The following DPYD variants were observed in gnomAD, a reference collection of about 807,000 sequenced individuals.
DPYD encodes dihydropyrimidine dehydrogenase, also known as dihydropyrimidine dehydrogenase [NADP(+)].
Under a neutral mutation model 116.2 loss-of-function variants are expected in DPYD, and 109 were observed. The ratio of observed to expected loss-of-function variants is 0.94; its 90% confidence interval spans 0.80 to 1.10. DPYD has a LOEUF of 1.10. DPYD is among the 50% of genes least tolerant of loss of function. DPYD has a pLI of 0.00. For missense variants in DPYD, 1,302 were observed against 1,254.5 expected, an observed-to-expected ratio of 1.04 and a Z score of -0.57; for synonymous variants, 440 against 432.0, an observed-to-expected ratio of 1.02 and a Z score of -0.23.
At chr1:97,269,245 A>G (rs1664423788) in intron 18 of DPYD, among the ~76,000 whole-genome samples, 1 of 152,090 alleles carries the variant, frequency 6.6e-6, no homozygotes, top group South Asian at 2.1e-4. Flanking sequence ...GCCCCTTACC[A>G]TCCACATTTC....
chr1:97,653,100 T>C (rs1334801507), intron 8 of DPYD, among the ~76,000 whole-genome samples: 1 of 152,172 alleles, frequency 6.6e-6, no homozygotes, highest in African/African-American at 2.4e-5. Flanking sequence ...GTCCTCCCTT[T>C]GTACGTCACT....
chr1:97,156,410 A>T (rs943955918), intron 20 of DPYD, among the ~76,000 whole-genome samples: 2 of 152,134 alleles, frequency 1.3e-5, no homozygotes, highest in Non-Finnish European at 2.9e-5. Flanking sequence ...GAACTCAAAC[A>T]AATTTACAAG....
At chr1:97,104,176 ATAATAGGTGCTGAATATAATTT>A (rs1650958419) in intron 20 of DPYD, among the ~76,000 whole-genome samples, 1 of 152,148 alleles carries the variant, frequency 6.6e-6, no homozygotes, top group African/African-American at 2.4e-5. Flanking sequence ...GATCCAGCAC[ATAATAGGTGCTGAATATAATTT>A]TTCAAAGCTT....
chr1:97,798,299 T>C (rs1476437949), intron 3 of DPYD, among the ~76,000 whole-genome samples: 1 of 151,992 alleles, frequency 6.6e-6, no homozygotes, highest in Non-Finnish European at 1.5e-5. Context: ...ATGTGAACTA[T>C]GAAATTAATT....
intron 20 of DPYD, among the ~76,000 whole-genome samples, chr1:97,099,295 C>T (rs1650490728): frequency 6.6e-6 from 1 of 152,076 alleles, no homozygotes; most frequent in Non-Finnish European, 1.5e-5. Context: ...GGAAATATTA[C>T]AGTGCTTAAA....
At chr1:97,818,857 T>C (rs1046614877) in intron 3 of DPYD, among the ~76,000 whole-genome samples, 1 of 152,010 alleles carries the variant, frequency 6.6e-6, no homozygotes, top group African/African-American at 2.4e-5. Flanking sequence ...ACCAAATGTG[T>C]GTATCCATGT....
intron 19 of DPYD, among the ~76,000 whole-genome samples, chr1:97,230,061 C>A (rs1285190103): frequency 6.6e-6 from 1 of 152,128 alleles, no homozygotes; most frequent in Non-Finnish European, 1.5e-5. Flanking sequence ...CATGGGGTAA[C>A]CAATAGCTTA....
chr1:97,103,325 A>T (rs1306004555), intron 20 of DPYD, among the ~76,000 whole-genome samples: 1 of 152,128 alleles, frequency 6.6e-6, no homozygotes, highest in Non-Finnish European at 1.5e-5. Context: ...TCAGAAGCTC[A>T]GATTTTCCCA....
At chr1:97,558,030 T>C (rs1651872035) in intron 11 of DPYD, among the ~76,000 whole-genome samples, 3 of 152,014 alleles carry the variant, frequency 2.0e-5, no homozygotes, top group Non-Finnish European at 4.4e-5. Context: ...ATAAATAGAC[T>C]CTCCACAGTC....
intron 20 of DPYD, among the ~76,000 whole-genome samples, chr1:97,173,369 T>C (rs1344265096): frequency 1.3e-5 from 2 of 149,694 alleles, no homozygotes; most frequent in African/African-American, 4.9e-5. Context: ...CATATATACA[T>C]ATATGTGTGT....
intron 18 of DPYD, among the ~76,000 whole-genome samples, chr1:97,237,365 T>C (rs907285941): frequency 6.6e-6 from 1 of 152,078 alleles, no homozygotes; most frequent in African/African-American, 2.4e-5. Flanking sequence ...CAAAAATGTT[T>C]GTGGAAATGT....
chr1:97,792,202 A>C (rs1571364463), intron 3 of DPYD, among the ~76,000 whole-genome samples: 1 of 152,150 alleles, frequency 6.6e-6, no homozygotes. Context: ...GATACTCCTG[A>C]CGCCAAACTA....
At chr1:97,818,485 T>A (rs1430298316) in intron 3 of DPYD, among the ~76,000 whole-genome samples, 1 of 152,018 alleles carries the variant, frequency 6.6e-6, no homozygotes, top group African/African-American at 2.4e-5. Flanking sequence ...AGATTCTAAA[T>A]TGAAAGAATT....
chr1:97,547,155 C>T (rs2786522), intron 12 of DPYD, among the ~76,000 whole-genome samples: 39,666 of 151,854 alleles, frequency 0.26, 5,870 homozygotes, highest in African/African-American at 0.39. Context: ...TTAAGGCTTA[C>T]TGAAACCTTT....
At chr1:97,317,895 C>A (rs561427154) in intron 16 of DPYD, among the ~76,000 whole-genome samples, 2 of 152,124 alleles carry the variant, frequency 1.3e-5, no homozygotes, top group South Asian at 4.1e-4. Flanking sequence ...ATGGTTCCGA[C>A]TAAGGAGAAC....
intron 13 of DPYD, among the ~76,000 whole-genome samples, chr1:97,452,618 C>T (rs1042773460): frequency 6.6e-6 from 1 of 152,122 alleles, no homozygotes; most frequent in Admixed American, 6.6e-5. Context: ...TGATTGATTG[C>T]ATCATGGGGG....
rs1455708435 is a variant in DPYD at position 97,883,336 on chromosome 1, T to G, written c.78A>C (p.Ala26=). The G allele has an allele frequency of 6.2e-7, 1 of 1,612,684 alleles. No homozygotes were observed. The highest frequency in any genetic ancestry group is 2.2e-5 in the East Asian group (1 of 44,766). Residue 26 remains alanine, a synonymous_variant, in exon 2 of 23, where the codon GCA becomes GCC. Coordinates refer to ENST00000370192, the MANE Select transcript of DPYD (RefSeq NM_000110.4). ...TCTTGGCCGAAGTGGAACACAGAGT[T>G]GCATGAGTTTGTGTTCGAGGATTTA... ...LALNPRTQTH[A]TLCSTSAKKL...
intron 7 of DPYD, among the ~76,000 whole-genome samples, chr1:97,681,583 T>C (rs1267745889): frequency 6.6e-6 from 1 of 152,162 alleles, no homozygotes; most frequent in East Asian, 1.9e-4. Context: ...ATTAAATATG[T>C]ATTATTCAAA....
intron 13 of DPYD, among the ~76,000 whole-genome samples, chr1:97,453,885 T>A (rs1676548728): frequency 6.6e-6 from 1 of 152,090 alleles, no homozygotes; most frequent in South Asian, 2.1e-4. Flanking sequence ...ATTTGCTTTA[T>A]GATAGAGAAT....
Sources: allele counts gnomAD v4.1 joint callset (sites outside exome capture counted in the v4.1 genomes callset), GRCh38; gene constraint gnomAD v4.1.1; transcripts MANE v1.5; gene names NCBI Gene and HGNC (gene_info 2026-07-23, HGNC 2026-07-21).